Variants in SRGAP1 observed in about 807,000 individuals in gnomAD.
SRGAP1 encodes SLIT-ROBO Rho GTPase activating protein 1, also known as SLIT-ROBO Rho GTPase-activating protein 1.
SRGAP1 carries 43 observed loss-of-function variants against 121.9 expected under a neutral mutation model. The ratio of observed to expected loss-of-function variants is 0.35; its 90% confidence interval spans 0.28 to 0.46. The LOEUF is 0.46. SRGAP1 is among the 20% of genes least tolerant of loss of function. The pLI, the probability that SRGAP1 is intolerant of heterozygous loss-of-function variation, is 1.00. For missense variants in SRGAP1, 1,102 were observed against 1,350.9 expected, an observed-to-expected ratio of 0.82 and a Z score of 2.89; for synonymous variants, 447 against 485.4, an observed-to-expected ratio of 0.92 and a Z score of 1.04.
chr12:63,894,867 A>G (rs1900703916), intron 1 of SRGAP1, among the ~76,000 whole-genome samples: 2 of 152,164 alleles, frequency 1.3e-5, no homozygotes, highest in Admixed American at 6.5e-5. Flanking sequence ...AATCCAGTCT[A>G]TCATTGATGG....
chr12:64,042,414 G>C (rs1256946991), intron 4 of SRGAP1, among the ~76,000 whole-genome samples: 1 of 152,050 alleles, frequency 6.6e-6, no homozygotes, highest in African/African-American at 2.4e-5. Flanking sequence ...ATTTGGGTTT[G>C]GGTTGGGCTA....
chr12:63,969,742 C>T (rs757045999), intron 1 of SRGAP1, among the ~76,000 whole-genome samples: 8 of 151,308 alleles, frequency 5.3e-5, no homozygotes, highest in East Asian at 1.9e-4. Flanking sequence ...TGCAGTGAAC[C>T]GAGATTGTGC....
intron 16 of SRGAP1, among the ~76,000 whole-genome samples, chr12:64,110,957 C>T (rs1179210123): frequency 6.6e-6 from 1 of 152,166 alleles, no homozygotes. Flanking sequence ...CTGGATTTTA[C>T]ATTTCCTTTC....
chr12:64,080,445 G>C (rs1305450678), intron 10 of SRGAP1, 75 bp downstream of exon 10: 2 of 1,229,540 alleles, frequency 1.6e-6, no homozygotes, highest in South Asian at 1.3e-5. Context: ...GAAAGAGTAT[G>C]AATTGTATAT....
chr12:63,993,099 C>G (rs2033599908), intron 3 of SRGAP1, among the ~76,000 whole-genome samples: 1 of 152,156 alleles, frequency 6.6e-6, no homozygotes, highest in Admixed American at 6.5e-5. Context: ...GGAGTAAGAT[C>G]AACCCCTAGG....
At chr12:64,091,752 C>T (rs1158393141) in intron 12 of SRGAP1, 3 of 619,842 alleles carry the variant, frequency 4.8e-6, no homozygotes, top group African/African-American at 1.8e-5. Flanking sequence ...AGCTCTGAAA[C>T]ACAGCAGGAG....
chr12:64,030,677 C>T (rs1413440393), intron 4 of SRGAP1, among the ~76,000 whole-genome samples: 2 of 152,128 alleles, frequency 1.3e-5, no homozygotes, highest in Non-Finnish European at 2.9e-5. Flanking sequence ...GTATGTCAGC[C>T]CACACAGACC....
chr12:63,868,561 T>C (rs974353393), intron 1 of SRGAP1, among the ~76,000 whole-genome samples: 1 of 152,096 alleles, frequency 6.6e-6, no homozygotes, highest in African/African-American at 2.4e-5. Context: ...GGGGTTTTGC[T>C]ATGTTGCCCA....
intron 1 of SRGAP1, among the ~76,000 whole-genome samples, chr12:63,886,964 C>T (rs895263452): frequency 1.3e-5 from 2 of 152,168 alleles, no homozygotes; most frequent in Admixed American, 6.5e-5. Flanking sequence ...ACCTCCTCCT[C>T]CTGGGTTCAA....
chr12:64,097,370 G>C lies in SRGAP1; in HGVS notation c.1808G>C (p.Cys603Ser), dbSNP rs752160125. ...PKERFNDLIS[C>S]IRIDNLYERA... ...GAAAGATTTAACGATCTGATTTCTT[G>C]TATCAGTAAGTGGACATTTTTTTCA... is the stretch of plus-strand genomic sequence containing the variant. Residue 603 changes from cysteine to serine, a missense_variant, in exon 15 of 22, where the codon TGT becomes TCT. Cys to Ser is a moderately radical substitution (Grantham distance 112, BLOSUM62 -1). This residue lies in a region of SRGAP1 where 747 missense variants were observed against 929.4 expected (regional missense o/e 0.80). Coordinates refer to ENST00000355086, the MANE Select transcript of SRGAP1 (RefSeq NM_020762.4). 64 of 1,603,846 alleles carry C rather than the reference G, an allele frequency of 4.0e-5. No homozygotes were observed. Among genetic ancestry groups the C allele is most frequent in the Non-Finnish European group, 5.3e-5 (63 of 1,177,638 alleles).
intron 4 of SRGAP1, among the ~76,000 whole-genome samples, chr12:64,022,405 C>T (rs1004874842): frequency 1.3e-5 from 2 of 152,148 alleles, no homozygotes; most frequent in Admixed American, 6.5e-5. Context: ...AGTGAATTCT[C>T]TCTTACTCAG....
intron 2 of SRGAP1, among the ~76,000 whole-genome samples, chr12:63,986,136 ACTCT>A (rs1043200988): frequency 2.6e-5 from 3 of 115,868 alleles, no homozygotes; most frequent in South Asian, 2.8e-4. Context: ...TCTCCCTTTC[ACTCT>A]CTCTCTCCTC....
At chr12:63,885,296 A>C (rs892671399) in intron 1 of SRGAP1, among the ~76,000 whole-genome samples, 2 of 152,130 alleles carry the variant, frequency 1.3e-5, no homozygotes, top group Non-Finnish European at 2.9e-5. Flanking sequence ...ACTTAGGGAA[A>C]CACGCTTACT....
At chr12:63,875,613 A>G (rs1474992909) in intron 1 of SRGAP1, among the ~76,000 whole-genome samples, 1 of 152,250 alleles carries the variant, frequency 6.6e-6, no homozygotes, top group Non-Finnish European at 1.5e-5. Context: ...TGAAAAAGCT[A>G]TCTTAGATAT....
In SRGAP1 at chr12:64,161,870, T is replaced by C. The variant is rs2037211249; in HGVS notation, c.*19198T>C. On this transcript the variant is annotated 3_prime_UTR_variant, in exon 22 of 22. Transcript: ENST00000355086. ...AATGTGGTATATTGATACAATGGAA[T>C]ACTATTCTGTAATGAAGATGGGAAA... 6.6e-6 allele frequency: 1 copy of C among 152,240 alleles called. No individual in the cohort carries two copies. Among genetic ancestry groups the C allele is most frequent in the Non-Finnish European group, 1.5e-5 (1 of 68,040 alleles). The allele number at this position is 152,240 out of a possible 1,614,324, so 9.4% of individuals were successfully genotyped here.
In SRGAP1 at chr12:64,156,725, C is replaced by G. The variant is rs1474706038; in HGVS notation, c.*14053C>G. ...GTTAGGGCCTCAAGGAAAGTGGGCT[C>G]AGCAATGAGTGTTGGTACACATGGA... On this transcript the variant is annotated 3_prime_UTR_variant, in exon 22 of 22. Transcript: ENST00000355086. The G allele has an allele frequency of 6.6e-6, 1 of 152,194 alleles. No homozygotes were observed. Among genetic ancestry groups the G allele is most frequent in the Non-Finnish European group, 1.5e-5 (1 of 68,046 alleles). The allele number at this position is 152,194 out of a possible 1,614,324, so 9.4% of individuals were successfully genotyped here.
At chr12:63,892,982 G>A (rs1011582064) in intron 1 of SRGAP1, among the ~76,000 whole-genome samples, 3 of 152,082 alleles carry the variant, frequency 2.0e-5, no homozygotes, top group Non-Finnish European at 4.4e-5. Context: ...CTCTGAGCTC[G>A]GCTGTTCAGT....
At chr12:64,067,342 C>T (rs1173584080) in intron 8 of SRGAP1, among the ~76,000 whole-genome samples, 3 of 152,120 alleles carry the variant, frequency 2.0e-5, no homozygotes, top group Admixed American at 6.6e-5. Context: ...CCTAGGAGTT[C>T]GAGACTGCAC....
intron 1 of SRGAP1, among the ~76,000 whole-genome samples, chr12:63,921,856 T>C (rs190627307): frequency 7.9e-5 from 12 of 152,324 alleles, no homozygotes; most frequent in Admixed American, 7.2e-4. Context: ...CTTTTGGTTA[T>C]GATAGATAAA....
Sources: allele counts gnomAD v4.1 joint callset (sites outside exome capture counted in the v4.1 genomes callset), GRCh38; gene constraint gnomAD v4.1.1; regional missense constraint gnomAD v4.1.1; transcripts MANE v1.5; gene names NCBI Gene and HGNC (gene_info 2026-07-23, HGNC 2026-07-21).